SPATA13: variants seen among roughly 807,000 people sequenced by gnomAD.
SPATA13 encodes spermatogenesis-associated protein 13.
In SPATA13, 50 loss-of-function variants were observed where a neutral mutation model predicts 104.0. That is an observed-to-expected ratio of 0.48 (90% CI 0.38 to 0.61). The LOEUF is 0.61. Among genes scored for constraint, SPATA13 ranks in the 20% least tolerant of loss-of-function variants. The pLI is 0.00. For synonymous variants in SPATA13, 606 were observed against 667.5 expected (o/e 0.91, Z 1.42); for missense variants, 1,524 against 1,690.6 (o/e 0.90, Z 1.73).
chr13:24,137,593 C>T (rs1376184940), intron 3 of SPATA13, among the ~76,000 whole-genome samples: 1 of 152,048 alleles, frequency 6.6e-6, no homozygotes, highest in Non-Finnish European at 1.5e-5. Context: ...AACCCCACCA[C>T]TACAAAAAAT....
intron 3 of SPATA13, among the ~76,000 whole-genome samples, chr13:24,134,390 C>T (rs1881487742): frequency 6.6e-6 from 1 of 152,132 alleles, no homozygotes; most frequent in African/African-American, 2.4e-5. Context: ...TCGAACAAGC[C>T]CCCGGCTGAC....
intron 1 of SPATA13, among the ~76,000 whole-genome samples, chr13:24,217,450 C>T (rs1032565425): frequency 6.6e-6 from 1 of 152,196 alleles, no homozygotes; most frequent in African/African-American, 2.4e-5. Context: ...GCAAAGCCAG[C>T]AGCCCCTTCA....
In SPATA13 at chr13:24,104,380, TAG is replaced by T. The variant is rs142163164; in HGVS notation, c.-112+86684_-112+86685del. 8.3e-3 allele frequency among the ~76,000 whole-genome samples: 1,260 copies of T among 152,310 alleles called. 21 individuals carry two copies. Among genetic ancestry groups the T allele is most frequent in the African/African-American group, 0.028 (1,183 of 41,568 alleles). On this transcript the variant is annotated intron_variant, in intron 3 of 14. Transcript: ENST00000424834. ...AAAGCAATTTAGCCCACTCAATTTT[TAG>T]AGAGGTTTGGTTTTACAATTCTCAA... is the stretch of plus-strand genomic sequence containing the variant.
chr13:24,089,386 C>T (rs1035681777), intron 3 of SPATA13, among the ~76,000 whole-genome samples: 2 of 152,174 alleles, frequency 1.3e-5, no homozygotes, highest in Admixed American at 6.5e-5. Flanking sequence ...AAGATATTTC[C>T]GTTTTCACTG....
At chr13:24,157,166 A>C (rs958971185), upstream of SPATA13, among the ~76,000 whole-genome samples, 17 of 152,212 alleles carry the variant, frequency 1.1e-4, no homozygotes, top group Admixed American at 1.0e-3. Flanking sequence ...TCCCAGCCGT[A>C]GTCTGGGCGG....
chr13:24,006,114 G>T (rs775718283), intron 2 of SPATA13, among the ~76,000 whole-genome samples: 6 of 152,214 alleles, frequency 3.9e-5, no homozygotes, highest in Non-Finnish European at 8.8e-5. Context: ...CAGCCACTTT[G>T]TGAGTAACCA....
chr13:24,281,548 T>C (rs1875522495), intron 4 of SPATA13, among the ~76,000 whole-genome samples: 1 of 152,184 alleles, frequency 6.6e-6, no homozygotes, highest in African/African-American at 2.4e-5. Context: ...TGCCTCAATG[T>C]GGCGTGTGCT....
chr13:24,126,039 C>A (rs899691210), intron 3 of SPATA13, among the ~76,000 whole-genome samples: 2 of 152,130 alleles, frequency 1.3e-5, no homozygotes, highest in Admixed American at 1.3e-4. Context: ...GCCAGGAGCC[C>A]TGTATCAAAC....
chr13:24,124,007 C>T (rs903816150), intron 3 of SPATA13, among the ~76,000 whole-genome samples: 1 of 152,162 alleles, frequency 6.6e-6, no homozygotes, highest in African/African-American at 2.4e-5. Flanking sequence ...CTGGTGCCGT[C>T]CAGCTTGGCT....
intron 3 of SPATA13, among the ~76,000 whole-genome samples, chr13:24,035,241 A>C (rs1279371372): frequency 6.6e-6 from 1 of 152,106 alleles, no homozygotes; most frequent in Non-Finnish European, 1.5e-5. Flanking sequence ...TGCTACCTCC[A>C]CCTCCCACAT....
At chr13:24,176,106 G>A (rs759041504) in intron 1 of SPATA13, among the ~76,000 whole-genome samples, 12 of 152,174 alleles carry the variant, frequency 7.9e-5, no homozygotes, top group Non-Finnish European at 1.6e-4. Context: ...TCTTTCTTAA[G>A]TGTGATTGTT....
chr13:24,059,413 T>A (rs559296427), intron 3 of SPATA13, among the ~76,000 whole-genome samples: 1 of 152,318 alleles, frequency 6.6e-6, no homozygotes, highest in Non-Finnish European at 1.5e-5. Flanking sequence ...GTTTTCCACT[T>A]GATTTCCAGT....
chr13:24,251,813 C>G lies in SPATA13; in HGVS notation c.2115C>G (p.Pro705=). 1.2e-6 allele frequency: 2 copies of G among 1,614,192 alleles called. No individual in the cohort carries two copies. The highest frequency in any genetic ancestry group is 1.7e-6 in the Non-Finnish European group (2 of 1,180,010). ...FRPFTFSQST[P]IGLDRVGRRR... is the part of the protein sequence containing the mutation. ...CCTTCACATTCTCCCAGAGCACCCCCATTGGGTTGGACCGTGTGGGACGCC... is the reference window on the plus strand; with the variant it reads ...CCTTCACATTCTCCCAGAGCACCCCGATTGGGTTGGACCGTGTGGGACGCC... Residue 705 remains proline, a synonymous_variant, in exon 4 of 13, where the codon CCC becomes CCG. Coordinates refer to ENST00000382108, the MANE Select transcript of SPATA13 (RefSeq NM_001166271.3).
chr13:24,004,822 A>C (rs1468205203), intron 2 of SPATA13, among the ~76,000 whole-genome samples: 1 of 152,190 alleles, frequency 6.6e-6, no homozygotes, highest in Non-Finnish European at 1.5e-5. Flanking sequence ...GATACTCAGC[A>C]AAATGCCAGC....
intron 3 of SPATA13, among the ~76,000 whole-genome samples, chr13:24,094,566 A>G (rs1880011147): frequency 6.6e-6 from 1 of 152,208 alleles, no homozygotes; most frequent in Admixed American, 6.5e-5. Context: ...TTTATGCTTA[A>G]AATGTTTTTA....
Position 24,303,713 on chromosome 13 carries a change from G to A in SPATA13, c.*940G>A, listed in dbSNP as rs56198152. On this transcript the variant is annotated 3_prime_UTR_variant, in exon 13 of 13. Transcript: ENST00000382108. ...CTGAGGTCAGGAGTTCGAGACAAGCGTGGCCAATATGGCAAAGCCCAGTCT... is the reference window on the plus strand; with the variant it reads ...CTGAGGTCAGGAGTTCGAGACAAGCATGGCCAATATGGCAAAGCCCAGTCT... 3,990 of 152,632 alleles carry A rather than the reference G, an allele frequency of 0.026. 165 individuals carry two copies. Among genetic ancestry groups the A allele is most frequent in the African/African-American group, 0.089 (3,689 of 41,556 alleles). The allele number at this position is 152,632 out of a possible 1,614,324, so 9.5% of individuals were successfully genotyped here. A position where few individuals can be genotyped will look rare whatever the true frequency, so the allele number is the denominator to read the frequency against.
upstream of SPATA13, chr13:24,160,656 C>CG (rs1882430292): frequency 1.8e-5 from 14 of 792,220 alleles, no homozygotes; most frequent in South Asian, 4.4e-4. Flanking sequence ...TGATATGGGG[C>CG]GGGGGGAAGA....
chr13:24,105,314 T>TG (rs1370143094), intron 3 of SPATA13, among the ~76,000 whole-genome samples: 2 of 152,000 alleles, frequency 1.3e-5, no homozygotes, highest in African/African-American at 4.8e-5. Flanking sequence ...TTTTGTATTT[T>TG]GGGGGGTAGA....
At chr13:24,050,103 C>T (rs1017739366) in intron 3 of SPATA13, among the ~76,000 whole-genome samples, 31 of 152,134 alleles carry the variant, frequency 2.0e-4, no homozygotes, top group South Asian at 4.1e-4. Context: ...AACTCCTGAC[C>T]TTGTGATCCA....
Sources: allele counts gnomAD v4.1 joint callset (sites outside exome capture counted in the v4.1 genomes callset), GRCh38; gene constraint gnomAD v4.1.1; transcripts MANE v1.5; gene names NCBI Gene and HGNC (gene_info 2026-07-23, HGNC 2026-07-21).